The following PID1 variants were observed in gnomAD, a reference collection of about 807,000 sequenced individuals.
PID1 encodes the protein PTB-containing, cubilin and LRP1-interacting protein.
PID1 carries 10 observed loss-of-function variants against 19.1 expected under a neutral mutation model. That is an observed-to-expected ratio of 0.52 (90% CI 0.32 to 0.89). PID1 has a LOEUF of 0.89. Ranked by LOEUF, PID1 falls within the 40% of genes least tolerant of loss-of-function variation. PID1 has a pLI of 0.03. For missense variants in PID1, 248 were observed against 285.3 expected (o/e 0.87, Z 0.94); for synonymous variants, 130 against 116.0 (o/e 1.12, Z -0.78).
intron 2 of PID1, among the ~76,000 whole-genome samples, chr2:229,067,057 G>A (rs1325429796): frequency 6.6e-6 from 1 of 152,146 alleles, no homozygotes; most frequent in Non-Finnish European, 1.5e-5. Flanking sequence ...GAGGCCTCAG[G>A]AAACTTACAA....
intron 2 of PID1, among the ~76,000 whole-genome samples, chr2:229,076,813 G>A (rs1694567842): frequency 1.3e-5 from 2 of 152,134 alleles, no homozygotes; most frequent in Non-Finnish European, 2.9e-5. Context: ...CATTTGGGTT[G>A]GTTCCAAGTC....
At chr2:229,120,223 C>CTT (rs1354565299) in intron 2 of PID1, among the ~76,000 whole-genome samples, 1 of 152,060 alleles carries the variant, frequency 6.6e-6, no homozygotes, top group Non-Finnish European at 1.5e-5. Context: ...CCACATATAA[C>CTT]TTTTGATTCC....
chr2:229,213,742 C>G (rs532617768), intron 1 of PID1, among the ~76,000 whole-genome samples: 1 of 152,320 alleles, frequency 6.6e-6, no homozygotes, highest in East Asian at 1.9e-4. Flanking sequence ...GTGACATTGA[C>G]TTGGTACAGA....
chr2:229,146,623 A>T (rs1018694207), intron 2 of PID1, among the ~76,000 whole-genome samples: 1 of 152,064 alleles, frequency 6.6e-6, no homozygotes, highest in African/African-American at 2.4e-5. Flanking sequence ...AATACTGGCC[A>T]CCCAAAGACA....
intron 2 of PID1, among the ~76,000 whole-genome samples, chr2:229,062,525 G>A (rs1694232585): frequency 6.6e-6 from 1 of 151,724 alleles, no homozygotes; most frequent in Admixed American, 6.6e-5. Flanking sequence ...TTTTGCCTCT[G>A]TTTTCATTAG....
At position 229,154,066 on chromosome 2, in the gene PID1, G is replaced by C. The variant is rs1269042274; in HGVS notation, c.177+1752C>G. On this transcript the variant is annotated intron_variant, in intron 2 of 2. Coordinates refer to ENST00000392055, the MANE Select transcript of PID1 (RefSeq NM_001100818.2). ...ATGTAATGTACCTAACGCCAGTTCT[G>C]TTGATTCACTCTCTCCTGTTAAGGC... 6.6e-5 allele frequency among the ~76,000 whole-genome samples: 10 copies of C among 152,242 alleles called. No individual in the cohort carries two copies. In the East Asian group the frequency reaches 1.9e-3, roughly 29 times the overall value.
At chr2:229,067,344 T>C (rs1054719829) in intron 2 of PID1, among the ~76,000 whole-genome samples, 1 of 152,068 alleles carries the variant, frequency 6.6e-6, no homozygotes, top group Non-Finnish European at 1.5e-5. Flanking sequence ...TTTCTTAGCA[T>C]AAAATCATTA....
intron 1 of PID1, among the ~76,000 whole-genome samples, chr2:229,231,055 G>C (rs75148011): frequency 0.15 from 22,580 of 151,942 alleles, 2,106 homozygotes; most frequent in Admixed American, 0.24. Context: ...AGCCACATGA[G>C]CTGCTAAGTT....
chr2:229,195,411 C>T (rs1345001858), intron 1 of PID1, among the ~76,000 whole-genome samples: 1 of 151,594 alleles, frequency 6.6e-6, no homozygotes, highest in African/African-American at 2.4e-5. Flanking sequence ...ACATAACATG[C>T]ATACATACAT....
chr2:229,123,916 T>C (rs141421331), intron 2 of PID1, among the ~76,000 whole-genome samples: 4 of 152,334 alleles, frequency 2.6e-5, no homozygotes, highest in African/African-American at 9.6e-5. Flanking sequence ...ACAAGTTCCT[T>C]ATTAGCTACA....
chr2:229,115,045 A>T (rs1250258909), intron 2 of PID1, among the ~76,000 whole-genome samples: 1 of 152,182 alleles, frequency 6.6e-6, no homozygotes, highest in Admixed American at 6.5e-5. Flanking sequence ...GAATACCTGA[A>T]ATTCATATCC....
chr2:229,248,467 G>T (rs1287833547), intron 1 of PID1, among the ~76,000 whole-genome samples: 1 of 152,178 alleles, frequency 6.6e-6, no homozygotes, highest in Non-Finnish European at 1.5e-5. Flanking sequence ...TTTTCCAGTG[G>T]AAAGTTAGCA....
intron 1 of PID1, among the ~76,000 whole-genome samples, chr2:229,194,155 G>T (rs1691322085): frequency 6.6e-6 from 1 of 152,060 alleles, no homozygotes; most frequent in South Asian, 2.1e-4. Context: ...TGAACCTTCT[G>T]AGTTTTCAAA....
intron 2 of PID1, among the ~76,000 whole-genome samples, chr2:229,044,328 T>A (rs565314768): frequency 1.3e-5 from 2 of 152,100 alleles, no homozygotes; most frequent in South Asian, 2.1e-4. Context: ...CAGAGGCGGA[T>A]CATTGACAGA....
intron 1 of PID1, among the ~76,000 whole-genome samples, chr2:229,160,237 C>T (rs1690464877): frequency 6.6e-6 from 1 of 152,182 alleles, no homozygotes; most frequent in South Asian, 2.1e-4. Context: ...GTGTTGTAAA[C>T]CAAATGCCGC....
At chr2:229,255,786 G>C (rs1690275718) in intron 1 of PID1, among the ~76,000 whole-genome samples, 1 of 152,136 alleles carries the variant, frequency 6.6e-6, no homozygotes, top group Non-Finnish European at 1.5e-5. Flanking sequence ...CTCTGGATTA[G>C]AAAATAGGAT....
At chr2:229,099,923 GC>G (rs1162111614) in intron 2 of PID1, among the ~76,000 whole-genome samples, 1 of 152,182 alleles carries the variant, frequency 6.6e-6, no homozygotes, top group African/African-American at 2.4e-5. Flanking sequence ...ATACGTCAAA[GC>G]CTAATCTCCA....
intron 1 of PID1, among the ~76,000 whole-genome samples, chr2:229,205,388 C>T (rs540145157): frequency 2.6e-5 from 4 of 152,240 alleles, no homozygotes; most frequent in African/African-American, 9.6e-5. Context: ...CTAGACTCTA[C>T]TTGGCAATAA....
At chr2:229,050,991 C>T (rs1037697865) in intron 2 of PID1, among the ~76,000 whole-genome samples, 1 of 152,164 alleles carries the variant, frequency 6.6e-6, no homozygotes, top group Non-Finnish European at 1.5e-5. Context: ...AAAAGCTTAA[C>T]AGAACTTAGG....
Sources: allele counts gnomAD v4.1 joint callset (sites outside exome capture counted in the v4.1 genomes callset), GRCh38; gene constraint gnomAD v4.1.1; transcripts MANE v1.5; gene names NCBI Gene and HGNC (gene_info 2026-07-23, HGNC 2026-07-21).